Variants in IL18R1 observed in about 807,000 individuals in gnomAD.
IL18R1 encodes interleukin 18 receptor 1.
IL18R1 carries 40 observed loss-of-function variants against 48.5 expected under a neutral mutation model. The observed-to-expected ratio is 0.82, with a 90% CI of 0.64 to 1.07. The LOEUF is 1.07. Ranked by LOEUF, IL18R1 falls within the 50% of genes least tolerant of loss-of-function variation. The probability of loss-of-function intolerance (pLI) is 0.00; values close to 1 mark genes in which losing one functional copy is unlikely to be tolerated. For missense variants in IL18R1, 596 were observed against 633.7 expected, an observed-to-expected ratio of 0.94 and a Z score of 0.64; for synonymous variants, 232 against 225.9, an observed-to-expected ratio of 1.03 and a Z score of -0.24.
At chr2:102,362,518 A>G (rs1055585923) in intron 1 of IL18R1, 115 bp from the exon 2 acceptor site, 4 of 579,688 alleles carry the variant, frequency 6.9e-6, no homozygotes, top group Admixed American at 3.1e-5. Context: ...GATTATAAAA[A>G]TCTTCTAGGT....
At chr2:102,368,735 C>T (rs914160477) in intron 3 of IL18R1, among the ~76,000 whole-genome samples, 39 of 152,084 alleles carry the variant, frequency 2.6e-4, no homozygotes, top group African/African-American at 8.2e-4. Flanking sequence ...CCACACTTAC[C>T]GAACATGTTT....
At chr2:102,385,123 T>C (rs757928874) in intron 7 of IL18R1, 125 bp downstream of exon 7, 5 of 487,938 alleles carry the variant, frequency 1.0e-5, no homozygotes, top group Non-Finnish European at 1.7e-5. Flanking sequence ...ATTATAATTA[T>C]AATGGACATA....
intron 9 of IL18R1, among the ~76,000 whole-genome samples, chr2:102,390,661 C>T (rs1680507810): frequency 6.6e-6 from 1 of 151,988 alleles, no homozygotes; most frequent in African/African-American, 2.4e-5. Flanking sequence ...TGGCCGGGCG[C>T]GGTGGCTCAC....
intron 3 of IL18R1, among the ~76,000 whole-genome samples, chr2:102,368,483 T>C (rs769868881): frequency 2.6e-5 from 4 of 152,094 alleles, no homozygotes; most frequent in Non-Finnish European, 5.9e-5. Flanking sequence ...GGAGCAGGGA[T>C]GGGGTTGATG....
intron 3 of IL18R1, among the ~76,000 whole-genome samples, chr2:102,368,327 G>A (rs951236872): frequency 1.3e-5 from 2 of 152,192 alleles, no homozygotes; most frequent in Admixed American, 6.5e-5. Context: ...GACAAGTGAC[G>A]ATTGCATGAA....
intron 4 of IL18R1, among the ~76,000 whole-genome samples, chr2:102,375,153 T>C (rs1030414316): frequency 2.0e-5 from 3 of 152,202 alleles, no homozygotes; most frequent in African/African-American, 7.2e-5. Context: ...CCTTGCTTGG[T>C]GTTTGCAGAA....
intron 9 of IL18R1, 84 bp from the exon 10 acceptor site, chr2:102,394,384 TC>T: frequency 1.8e-6 from 2 of 1,121,534 alleles, no homozygotes; most frequent in Non-Finnish European, 2.6e-6. Context: ...GATTCTATAC[TC>T]ATTACTTACG....
At chr2:102,381,337 C>G (rs767236778) in intron 5 of IL18R1, among the ~76,000 whole-genome samples, 1 of 152,222 alleles carries the variant, frequency 6.6e-6, no homozygotes, top group Non-Finnish European at 1.5e-5. Flanking sequence ...TGGTTTGACT[C>G]TTGCACGTTT....
chr2:102,394,707 T>G, intron 10 of IL18R1, 80 bp downstream of exon 10: 1 of 1,250,054 alleles, frequency 8.0e-7, no homozygotes, highest in Middle Eastern at 2.3e-4. Context: ...CAGAGAGCTA[T>G]CCCATTTTCC....
rs1441042254 is a variant in IL18R1, at chr2:102,396,675, T to C, written c.1415T>C (p.Ile472Thr). 1 of 1,613,718 alleles carries C rather than the reference T, an allele frequency of 6.2e-7. No individual in the cohort carries two copies. The highest frequency in any genetic ancestry group is 8.5e-7 in the Non-Finnish European group (1 of 1,179,632). The change falls in exon 11 of 11, where the codon ATC becomes ACC. Residue 472 changes from isoleucine to threonine, a missense_variant. Transcript: ENST00000233957. ...EALVERKIKIILIEFTPVTDF... is the reference protein window; with the variant it reads ...EALVERKIKITLIEFTPVTDF... ...TTGGTGGAAAGAAAAATTAAAATAA[T>C]CTTAATTGAATTTACACCTGTTACT... is the stretch of plus-strand genomic sequence containing the variant.
At chr2:102,394,741 T>C in intron 10 of IL18R1, 114 bp downstream of exon 10, 1 of 842,534 alleles carries the variant, frequency 1.2e-6, no homozygotes, top group East Asian at 2.9e-5. Context: ...AATAAGGTCC[T>C]TTAAGCAAGA....
chr2:102,368,076 A>G lies in IL18R1; in HGVS notation c.302+8A>G, dbSNP rs769695683. The G allele has an allele frequency of 1.2e-5, 20 of 1,612,846 alleles. No individual in the cohort carries two copies. The Admixed American group carries it at 2.5e-4, about 20-fold the overall frequency. ...TTACTTTTTCCAAATGAAGTGAGTA[A>G]CCCTTTCTTTTCAAAATGTATTTCA... On this transcript the variant is annotated splice_region_variant and intron_variant, in intron 3 of 10. Transcript: ENST00000233957.
intron 8 of IL18R1, 34 bp from the exon 9 acceptor site, chr2:102,390,022 T>C (rs750466609): frequency 6.2e-7 from 1 of 1,608,520 alleles, no homozygotes. Flanking sequence ...GATTTCTTGA[T>C]TATTTTCTTT....
chr2:102,364,569 A>G (rs957744231), intron 2 of IL18R1, among the ~76,000 whole-genome samples: 1 of 152,224 alleles, frequency 6.6e-6, no homozygotes. Context: ...ATGTTGAAGT[A>G]TTAGTATAAA....
intron 2 of IL18R1, among the ~76,000 whole-genome samples, chr2:102,364,350 A>G (rs1350099782): frequency 3.9e-5 from 6 of 152,256 alleles, no homozygotes; most frequent in African/African-American, 1.4e-4. Context: ...CATTACAATG[A>G]GAAAAGAACA....
At chr2:102,371,639 T>C (rs752883491) in intron 3 of IL18R1, among the ~76,000 whole-genome samples, 12 of 152,164 alleles carry the variant, frequency 7.9e-5, no homozygotes, top group Non-Finnish European at 1.8e-4. Context: ...TCACTGACAT[T>C]GTAAAGATTT....
At chr2:102,387,674 C>A (rs1680317884) in intron 8 of IL18R1, among the ~76,000 whole-genome samples, 1 of 152,164 alleles carries the variant, frequency 6.6e-6, no homozygotes, top group South Asian at 2.1e-4. Flanking sequence ...TGTTCATTCC[C>A]AGGCTCCACC....
intron 2 of IL18R1, among the ~76,000 whole-genome samples, chr2:102,365,563 G>C (rs1226852446): frequency 5.3e-5 from 8 of 152,034 alleles, no homozygotes; most frequent in Non-Finnish European, 1.2e-4. Flanking sequence ...TATCATCCTG[G>C]GGCCTGGAGG....
chr2:102,384,728 T>A, intron 6 of IL18R1, 150 bp from the exon 7 acceptor site: 1 of 711,694 alleles, frequency 1.4e-6, no homozygotes, highest in Non-Finnish European at 2.3e-6. Context: ...TTATATATTT[T>A]GTTTTATTTA....
Sources: gnomAD v4.1 joint callset for allele counts (sites outside exome capture counted in the v4.1 genomes callset) on GRCh38, gnomAD v4.1.1 for gene constraint, MANE v1.5 for transcripts, NCBI Gene and HGNC (gene_info 2026-07-23, HGNC 2026-07-21) for gene names.